The following FNDC3A variants were observed in gnomAD, a reference collection of about 807,000 sequenced individuals.
The protein encoded by FNDC3A is fibronectin type-III domain-containing protein 3A.
Under a neutral mutation model 148.9 loss-of-function variants are expected in FNDC3A, and 32 were observed. The observed-to-expected ratio is 0.21, with a 90% CI of 0.16 to 0.29. FNDC3A has a LOEUF of 0.29. FNDC3A is among the 10% of genes least tolerant of loss of function. FNDC3A has a pLI of 1.00. For synonymous variants in FNDC3A, 472 were observed against 473.6 expected (o/e 1.00, Z 0.04); for missense variants, 1,191 against 1,452.8 (o/e 0.82, Z 2.93).
chr13:49,086,353 G>A (rs1270778033), intron 3 of FNDC3A, among the ~76,000 whole-genome samples: 1 of 152,114 alleles, frequency 6.6e-6, no homozygotes, highest in African/African-American at 2.4e-5. Flanking sequence ...CTTAAATTCT[G>A]GCCGGTATTG....
At chr13:49,067,758 T>C (rs1877361966) in intron 2 of FNDC3A, among the ~76,000 whole-genome samples, 1 of 152,226 alleles carries the variant, frequency 6.6e-6, no homozygotes, top group Non-Finnish European at 1.5e-5. Context: ...GAAATTGTAA[T>C]ATCTACAGAA....
intron 2 of FNDC3A, among the ~76,000 whole-genome samples, chr13:49,013,512 ATGTACACGTGTATACATGTATATACG>A (rs1259053482): frequency 1.3e-5 from 2 of 151,776 alleles, no homozygotes; most frequent in African/African-American, 4.8e-5. Flanking sequence ...GCGTATACAT[ATGTACACGTGTATACATGTATATACG>A]TGTACATGTG....
chr13:49,037,843 C>T (rs890174354), intron 2 of FNDC3A, among the ~76,000 whole-genome samples: 3 of 152,164 alleles, frequency 2.0e-5, no homozygotes, highest in Admixed American at 1.3e-4. Flanking sequence ...CAGATGGGTG[C>T]CTGTGACTCC....
chr13:49,041,865 C>T (rs1434176924), intron 2 of FNDC3A, among the ~76,000 whole-genome samples: 2 of 150,778 alleles, frequency 1.3e-5, no homozygotes, highest in Non-Finnish European at 1.5e-5. Flanking sequence ...CAGCCAGGCT[C>T]TAAGGTGTGG....
At position 49,207,980 on chromosome 13, in the gene FNDC3A, G is replaced by C. The variant is rs1886732361; in HGVS notation, c.*585G>C. ...AAGAAAAGCTTCTTTGATAAATGTG[G>C]AGTTCTTCATTATAAATATATATTC... On this transcript the variant is annotated 3_prime_UTR_variant, in exon 26 of 26. Coordinates refer to ENST00000492622, the MANE Select transcript of FNDC3A (RefSeq NM_001079673.2). 1 of 152,566 alleles carries C rather than the reference G, an allele frequency of 6.6e-6. No individual in the cohort carries two copies. The highest frequency in any genetic ancestry group is 1.5e-5 in the Non-Finnish European group (1 of 68,012). The allele number at this position is 152,566 out of a possible 1,614,324, so 9.5% of individuals were successfully genotyped here.
At chr13:49,055,060 A>T (rs1209064519) in intron 2 of FNDC3A, among the ~76,000 whole-genome samples, 1 of 151,624 alleles carries the variant, frequency 6.6e-6, no homozygotes, top group African/African-American at 2.4e-5. Flanking sequence ...TGAATATACT[A>T]GTACATTGTA....
intron 8 of FNDC3A, among the ~76,000 whole-genome samples, chr13:49,165,633 A>G (rs1314929627): frequency 6.6e-6 from 1 of 152,150 alleles, no homozygotes; most frequent in African/African-American, 2.4e-5. Flanking sequence ...AAATCCAGGC[A>G]TGCTGATTCT....
intron 4 of FNDC3A, among the ~76,000 whole-genome samples, chr13:49,130,868 A>C (rs989493689): frequency 6.6e-6 from 1 of 152,092 alleles, no homozygotes; most frequent in African/African-American, 2.4e-5. Flanking sequence ...TCCCAGGTTC[A>C]AGCAATTCTG....
chr13:49,159,339 C>G (rs1053823203), intron 8 of FNDC3A, among the ~76,000 whole-genome samples: 1 of 152,076 alleles, frequency 6.6e-6, no homozygotes, highest in East Asian at 1.9e-4. Context: ...CCTTCACATC[C>G]CTTGTAAGTT....
intron 8 of FNDC3A, among the ~76,000 whole-genome samples, chr13:49,150,835 C>T (rs1883245720): frequency 6.6e-6 from 1 of 150,962 alleles, no homozygotes; most frequent in South Asian, 2.1e-4. Flanking sequence ...GTCCCAGCTA[C>T]TCGGGAGGCT....
chr13:48,984,230 G>A (rs568151801), intron 1 of FNDC3A, among the ~76,000 whole-genome samples: 1 of 152,278 alleles, frequency 6.6e-6, no homozygotes, highest in African/African-American at 2.4e-5. Context: ...TCAACTTAAT[G>A]CCATAAAAAT....
chr13:49,019,006 G>C (rs1248950866), intron 2 of FNDC3A, among the ~76,000 whole-genome samples: 2 of 152,204 alleles, frequency 1.3e-5, no homozygotes, highest in African/African-American at 4.8e-5. Flanking sequence ...TCTCTTCAAA[G>C]CTGTCAGACA....
At chr13:49,073,859 CACAT>C (rs1877908812) in intron 2 of FNDC3A, among the ~76,000 whole-genome samples, 1 of 142,270 alleles carries the variant, frequency 7.0e-6, no homozygotes, top group African/African-American at 2.8e-5. Flanking sequence ...TATACACACA[CACAT>C]ACATATATAC....
At chr13:49,204,525 T>C (rs910290154) in intron 25 of FNDC3A, among the ~76,000 whole-genome samples, 4 of 152,230 alleles carry the variant, frequency 2.6e-5, no homozygotes, top group African/African-American at 9.6e-5. Context: ...CAATTGTTTT[T>C]CTTTATTAAG....
chr13:49,035,345 C>A (rs1232234108), intron 2 of FNDC3A, among the ~76,000 whole-genome samples: 3 of 151,936 alleles, frequency 2.0e-5, no homozygotes, highest in Non-Finnish European at 4.4e-5. Context: ...TATATGCAGA[C>A]ATTGTCTATA....
At chr13:49,175,988 A>G (rs7335997) in intron 13 of FNDC3A, among the ~76,000 whole-genome samples, 10,901 of 152,180 alleles carry the variant, frequency 0.072, 554 homozygotes, top group Non-Finnish European at 0.11. Flanking sequence ...TGTTTATGTG[A>G]TGGATTACGT....
intron 7 of FNDC3A, among the ~76,000 whole-genome samples, chr13:49,141,664 T>C (rs1882695881): frequency 6.6e-6 from 1 of 152,254 alleles, no homozygotes; most frequent in Non-Finnish European, 1.5e-5. Flanking sequence ...TTTAACAGTT[T>C]AGCTTCCTAG....
intron 20 of FNDC3A, 43 bp downstream of exon 20, chr13:49,197,033 A>G (rs1886189601): frequency 8.7e-7 from 1 of 1,147,644 alleles, no homozygotes; most frequent in African/African-American, 1.5e-5. Flanking sequence ...TCTTAAGTGA[A>G]TAGAATAGTT....
chr13:49,099,693 A>G (rs1879744532), intron 3 of FNDC3A, among the ~76,000 whole-genome samples: 1 of 152,146 alleles, frequency 6.6e-6, no homozygotes, highest in Non-Finnish European at 1.5e-5. Context: ...TTGGTGAAAC[A>G]TGCAGAAGAA....
Sources: allele counts gnomAD v4.1 joint callset (sites outside exome capture counted in the v4.1 genomes callset), GRCh38; gene constraint gnomAD v4.1.1; transcripts MANE v1.5; gene names NCBI Gene and HGNC (gene_info 2026-07-23, HGNC 2026-07-21).